Variants in RNF214 observed in about 807,000 individuals in gnomAD.
The protein encoded by RNF214 is ring finger protein 214.
In RNF214, 25 loss-of-function variants were observed where a neutral mutation model predicts 75.9. The observed-to-expected ratio is 0.33, with a 90% CI of 0.24 to 0.46. The LOEUF (loss-of-function observed/expected upper bound fraction) is 0.46, where lower values mean the gene tolerates loss of function less well. RNF214 is among the 20% of genes least tolerant of loss of function. The pLI is 1.00. For synonymous variants in RNF214, 314 were observed against 308.8 expected, an observed-to-expected ratio of 1.02 and a Z score of -0.18; for missense variants, 725 against 857.5, an observed-to-expected ratio of 0.85 and a Z score of 1.93.
rs758246711 is a variant in RNF214, at chr11:117,282,184, T to G, written c.1626T>G (p.Ala542=). The G allele has an allele frequency of 6.2e-7, 1 of 1,613,888 alleles. No individual in the cohort carries two copies. The highest frequency in any genetic ancestry group is 2.2e-5 in the East Asian group (1 of 44,868). ...PPPPGLGGVK[A]SAETPRPQPV... ...CCCCAGGCTTGGGCGGTGTTAAGGCTTCTGCTGAAACTCCCCGGCCCCAAC... is the reference window on the plus strand; with the variant it reads ...CCCCAGGCTTGGGCGGTGTTAAGGCGTCTGCTGAAACTCCCCGGCCCCAAC... Residue 542 remains alanine, a synonymous_variant, in exon 11 of 15, where the codon GCT becomes GCG. Coordinates refer to ENST00000300650, the MANE Select transcript of RNF214 (RefSeq NM_207343.4).
chr11:117,282,018 C>G lies in RNF214; in HGVS notation c.1460C>G (p.Pro487Arg). 6.2e-7 allele frequency: 1 copy of G among 1,614,042 alleles called. No homozygotes were observed. The highest frequency in any genetic ancestry group is 8.5e-7 in the Non-Finnish European group (1 of 1,180,014). ...GCAGATCCCCGCTCCTTGTCTTTCCCAATCCTGAACCCTGCCCTTTCCCAG... is the reference window on the plus strand; with the variant it reads ...GCAGATCCCCGCTCCTTGTCTTTCCGAATCCTGAACCCTGCCCTTTCCCAG... ...PSADPRSLSF[P>R]ILNPALSQPS... Residue 487 changes from proline to arginine, a missense_variant, in exon 11 of 15, where the codon CCA (proline) becomes CGA (arginine). Pro to Arg is a moderately radical substitution (Grantham distance 103). Around this residue, in one of 2 missense-constraint regions of RNF214, gnomAD observed 363 missense variants for 513.0 expected, o/e 0.71. Coordinates refer to ENST00000300650, the MANE Select transcript of RNF214 (RefSeq NM_207343.4).
intron 6 of RNF214, among the ~76,000 whole-genome samples, chr11:117,247,514 A>G (rs1037859648): frequency 2.6e-5 from 4 of 152,138 alleles, no homozygotes; most frequent in African/African-American, 7.2e-5. Context: ...AATTTTTTTT[A>G]TATGAATCTA....
chr11:117,275,233 T>C (rs493139), intron 6 of RNF214, among the ~76,000 whole-genome samples: 105,894 of 151,958 alleles, frequency 0.7, 37,999 homozygotes, highest in East Asian at 0.95. Flanking sequence ...ACAGAAGTTA[T>C]CAAAATCTCA....
intron 1 of RNF214, among the ~76,000 whole-genome samples, chr11:117,233,415 C>T (rs769065964): frequency 1.3e-5 from 2 of 152,082 alleles, no homozygotes; most frequent in South Asian, 2.1e-4. Context: ...ATGCGCTCTT[C>T]AGTGTTCCGG....
Position 117,285,282 on chromosome 11 carries a change from G to A in RNF214, c.*131G>A, listed in dbSNP as rs2034230463. 4.7e-6 allele frequency: 3 copies of A among 633,076 alleles called. No homozygotes were observed. The highest frequency in any genetic ancestry group is 5.6e-6 in the Non-Finnish European group (2 of 354,452). 39.2% of individuals were successfully genotyped at this position (633,076 alleles called of 1,614,324 possible). On this transcript the variant is annotated 3_prime_UTR_variant, in exon 15 of 15. Transcript: ENST00000300650. ...TGTACATTTTTATTATATAGGTAAT[G>A]TGTGTATAGAAAGTCTGTATTCCAA... is the stretch of plus-strand genomic sequence containing the variant.
At chr11:117,256,154 G>A (rs1233589463) in intron 6 of RNF214, among the ~76,000 whole-genome samples, 1 of 152,106 alleles carries the variant, frequency 6.6e-6, no homozygotes, top group Non-Finnish European at 1.5e-5. Flanking sequence ...CACCCTGACT[G>A]ACTAATATAG....
At chr11:117,250,027 C>T (rs2033329754) in intron 6 of RNF214, among the ~76,000 whole-genome samples, 2 of 152,124 alleles carry the variant, frequency 1.3e-5, no homozygotes, top group African/African-American at 4.8e-5. Flanking sequence ...ACAGTAGGGC[C>T]TGGAGAGTAA....
chr11:117,275,790 C>T (rs184813156), intron 6 of RNF214, among the ~76,000 whole-genome samples: 77 of 152,286 alleles, frequency 5.1e-4, no homozygotes, highest in Non-Finnish European at 8.4e-4. Context: ...GATGGATTCA[C>T]AGCCAAATTC....
intron 2 of RNF214, among the ~76,000 whole-genome samples, chr11:117,237,218 T>C (rs568586847): frequency 6.6e-6 from 1 of 152,284 alleles, no homozygotes; most frequent in Non-Finnish European, 1.5e-5. Flanking sequence ...TAACTGAAGC[T>C]ACAGGTGCAC....
At chr11:117,281,273 G>A in intron 8 of RNF214, 41 bp from the exon 9 acceptor site, 1 of 1,423,002 alleles carries the variant, frequency 7.0e-7, no homozygotes, top group Non-Finnish European at 9.9e-7. Flanking sequence ...TCCTAGCAGG[G>A]CTTTCTTTAA....
Position 117,281,575 on chromosome 11 carries a change from TA to T in RNF214, c.1237-20del, listed in dbSNP as rs35836551. On this transcript the variant is annotated intron_variant, in intron 9 of 14. Transcript: ENST00000300650. ...TAGAGAGCCTGAGTCAGTTCAGCAG[TA>T]AAAATAATCCTTTTTTTTTTTAGGA... The T allele has an allele frequency of 6.4e-6, 10 of 1,564,268 alleles. No individual in the cohort carries two copies. The South Asian group carries it at 8.9e-5, about 14-fold the overall frequency.
rs560391358 is a variant in RNF214 at position 117,254,259 on chromosome 11, A to G, written c.959+7311A>G. On this transcript the variant is annotated intron_variant, in intron 6 of 14. Transcript: ENST00000300650. The stretch of plus-strand genomic sequence containing the variant: ...GCAAGACTCCATCTCAAAGAAAAAA[A>G]AAAACAAAGTGCATGCTAAATTAAA... Among the ~76,000 whole-genome samples, 25 of 152,222 alleles carry G rather than the reference A, an allele frequency of 1.6e-4. 2 individuals carry two copies. In the South Asian group the frequency reaches 4.1e-3, roughly 25 times the overall value.
chr11:117,245,990 G>T (rs1443897919), intron 5 of RNF214, among the ~76,000 whole-genome samples: 1 of 151,958 alleles, frequency 6.6e-6, no homozygotes, highest in Non-Finnish European at 1.5e-5. Context: ...TTTGATACTG[G>T]ATCTTGTTTT....
At chr11:117,258,901 G>A (rs550893) in intron 6 of RNF214, among the ~76,000 whole-genome samples, 3,170 of 151,990 alleles carry the variant, frequency 0.021, 64 homozygotes, top group Non-Finnish European at 0.033. Flanking sequence ...TATTTCTTTC[G>A]GCAGAATGCT....
intron 6 of RNF214, among the ~76,000 whole-genome samples, chr11:117,272,608 A>AT (rs1565345091): frequency 3.3e-5 from 5 of 151,720 alleles, no homozygotes; most frequent in African/African-American, 1.2e-4. Flanking sequence ...GTAAAATTAA[A>AT]ATTTTTTTTT....
At chr11:117,248,894 C>G (rs949931665) in intron 6 of RNF214, among the ~76,000 whole-genome samples, 16 of 152,048 alleles carry the variant, frequency 1.1e-4, no homozygotes, top group African/African-American at 3.9e-4. Flanking sequence ...ATTCTAAGCC[C>G]CGCAGAAAAT....
At chr11:117,232,990 G>T (rs1224066413) in intron 1 of RNF214, among the ~76,000 whole-genome samples, 1 of 151,964 alleles carries the variant, frequency 6.6e-6, no homozygotes, top group African/African-American at 2.4e-5. Flanking sequence ...CCCCTGTGGG[G>T]GGTGGCCAAG....
intron 4 of RNF214, among the ~76,000 whole-genome samples, chr11:117,242,160 C>T (rs1332212155): frequency 1.3e-5 from 2 of 152,102 alleles, no homozygotes; most frequent in Non-Finnish European, 2.9e-5. Context: ...CTAAAACTTC[C>T]ACCTTTAAGT....
At chr11:117,281,165 G>T in intron 8 of RNF214, 149 bp from the exon 9 acceptor site, 1 of 577,408 alleles carries the variant, frequency 1.7e-6, no homozygotes, top group East Asian at 3.3e-5. Flanking sequence ...TAAGAGACAG[G>T]GTTTAGCCAC....
Sources: allele counts gnomAD v4.1 joint callset (sites outside exome capture counted in the v4.1 genomes callset), GRCh38; gene constraint gnomAD v4.1.1; regional missense constraint gnomAD v4.1.1; transcripts MANE v1.5; gene names NCBI Gene and HGNC (gene_info 2026-07-23, HGNC 2026-07-21).